The following GRIA1 variants were observed in gnomAD, a reference collection of about 807,000 sequenced individuals.
GRIA1 encodes the protein glutamate receptor 1.
In GRIA1, 31 loss-of-function variants were observed where a neutral mutation model predicts 99.2. The ratio of observed to expected loss-of-function variants is 0.31; its 90% CI spans 0.23 to 0.42. The LOEUF (loss-of-function observed/expected upper bound fraction) is 0.42, where lower values mean the gene tolerates loss of function less well. Among genes scored for constraint, GRIA1 ranks in the 10% least tolerant of loss-of-function variants. GRIA1 has a pLI of 1.00. For missense variants in GRIA1, 782 were observed against 1,157.5 expected (o/e 0.68, Z 4.71); for synonymous variants, 438 against 432.4 (o/e 1.01, Z -0.16).
Position 153,577,130 on chromosome 5 carries a change from GTGGA to G in GRIA1, c.221-69778_221-69775del, listed in dbSNP as rs1246565334. Reference sequence around the variant, plus strand: ...GATGGATAAGTGGGTAGATGAATGGGTGGATGGATGGATGGATGGATGGTTGGAT... The same window carrying G: ...GATGGATAAGTGGGTAGATGAATGGGTGGATGGATGGATGGATGGTTGGAT... On this transcript the variant is annotated intron_variant, in intron 2 of 15. Transcript: ENST00000285900. Among the ~76,000 whole-genome samples the G allele has an allele frequency of 3.3e-4, 33 of 98,742 alleles. 1 individual carries two copies. The highest frequency in any genetic ancestry group is 1.1e-3 in the African/African-American group (30 of 28,236). The allele number at this position is 98,742 out of a possible 152,430, so 64.8% of individuals were successfully genotyped here. A position where few individuals can be genotyped will look rare whatever the true frequency, so the allele number is the denominator to read the frequency against.
intron 8 of GRIA1, among the ~76,000 whole-genome samples, chr5:153,692,059 G>A (rs913216233): frequency 6.6e-6 from 1 of 152,084 alleles, no homozygotes; most frequent in African/African-American, 2.4e-5. Context: ...CATTCCTTGA[G>A]CACAGCCTCG....
At chr5:153,588,108 G>A (rs759519768) in intron 2 of GRIA1, among the ~76,000 whole-genome samples, 14 of 152,226 alleles carry the variant, frequency 9.2e-5, no homozygotes, top group Admixed American at 5.2e-4. Flanking sequence ...CTCCTGCCAG[G>A]ATAGTGAAAA....
chr5:153,581,789 C>T (rs1385409140), intron 2 of GRIA1, among the ~76,000 whole-genome samples: 9 of 148,736 alleles, frequency 6.1e-5, no homozygotes, highest in Non-Finnish European at 1.2e-4. Context: ...GTTGTTCTGT[C>T]ACCCAGGATG....
chr5:153,704,090 A>G (rs945639609), intron 10 of GRIA1, among the ~76,000 whole-genome samples: 5 of 152,264 alleles, frequency 3.3e-5, no homozygotes, highest in Admixed American at 2.0e-4. Flanking sequence ...GTTTCTTTCT[A>G]CAAGTGAAAA....
rs75720647 is a variant in GRIA1 at position 153,674,295 on chromosome 5, A to T, written c.700-205A>T. 8.5e-3 allele frequency among the ~76,000 whole-genome samples: 1,291 copies of T among 152,334 alleles called. 62 individuals are homozygous for T. Among genetic ancestry groups the T allele is most frequent in the Admixed American group, 0.074 (1,137 of 15,300 alleles). ...ATGCATAGCAGCGCCAGCACTCCAA[A>T]CTAGGCATACTGGCTCCTGAGCTGT... On this transcript the variant is annotated intron_variant, in intron 5 of 15. Transcript: ENST00000285900.
At chr5:153,738,001 G>T (rs1314960240) in intron 11 of GRIA1, among the ~76,000 whole-genome samples, 1 of 152,208 alleles carries the variant, frequency 6.6e-6, no homozygotes, top group Admixed American at 6.5e-5. Flanking sequence ...ATACATAGGG[G>T]CCCCTATCCC....
intron 13 of GRIA1, among the ~76,000 whole-genome samples, chr5:153,791,562 A>G (rs891512368): frequency 6.6e-6 from 1 of 152,174 alleles, no homozygotes; most frequent in Non-Finnish European, 1.5e-5. Context: ...CAATGGTTAT[A>G]TGCATGGGCT....
chr5:153,694,342 C>T (rs1180747136), intron 8 of GRIA1, among the ~76,000 whole-genome samples: 1 of 152,042 alleles, frequency 6.6e-6, no homozygotes, highest in Non-Finnish European at 1.5e-5. Context: ...CCTGAACATT[C>T]TATACATAAA....
At chr5:153,719,114 T>C (rs1759868035) in intron 11 of GRIA1, among the ~76,000 whole-genome samples, 1 of 152,060 alleles carries the variant, frequency 6.6e-6, no homozygotes, top group Non-Finnish European at 1.5e-5. Context: ...ATCTCAAGAG[T>C]GATGGATATT....
chr5:153,492,216 T>C, intron 1 of GRIA1: 1 of 1,532,178 alleles, frequency 6.5e-7, no homozygotes, highest in Non-Finnish European at 8.7e-7. Flanking sequence ...GCAGTACCCA[T>C]CTCTTTCAGC....
chr5:153,556,398 C>G (rs1383076641), intron 2 of GRIA1, among the ~76,000 whole-genome samples: 1 of 152,168 alleles, frequency 6.6e-6, no homozygotes, highest in Non-Finnish European at 1.5e-5. Context: ...CAGCAAGATC[C>G]GGAAGCTAAA....
At chr5:153,712,424 G>A (rs1472373374) in intron 11 of GRIA1, among the ~76,000 whole-genome samples, 4 of 152,194 alleles carry the variant, frequency 2.6e-5, no homozygotes, top group Admixed American at 6.5e-5. Context: ...AATAACCAAC[G>A]ATAGCCTGAC....
intron 6 of GRIA1, among the ~76,000 whole-genome samples, chr5:153,675,254 T>C (rs913967880): frequency 6.6e-6 from 1 of 152,172 alleles, no homozygotes; most frequent in Non-Finnish European, 1.5e-5. Context: ...TCATTGTAGA[T>C]TGAGCTTCTT....
At chr5:153,636,723 GAAATAA>G (rs1364015422) in intron 2 of GRIA1, among the ~76,000 whole-genome samples, 1 of 152,156 alleles carries the variant, frequency 6.6e-6, no homozygotes, top group East Asian at 1.9e-4. Context: ...TTCTCTCTAT[GAAATAA>G]AAATAAACAT....
At chr5:153,537,409 T>C (rs1009620354) in intron 2 of GRIA1, among the ~76,000 whole-genome samples, 1 of 152,134 alleles carries the variant, frequency 6.6e-6, no homozygotes, top group South Asian at 2.1e-4. Context: ...GCATTCTTCA[T>C]TCTCCGCATG....
intron 11 of GRIA1, among the ~76,000 whole-genome samples, chr5:153,743,874 G>A (rs184135752): frequency 2.0e-5 from 3 of 152,274 alleles, no homozygotes; most frequent in East Asian, 1.9e-4. Flanking sequence ...TATGCATAAC[G>A]GGGTGGATAA....
At position 153,811,311 on chromosome 5, in the gene GRIA1, A is replaced by C; in HGVS notation, c.*86A>C. On this transcript the variant is annotated 3_prime_UTR_variant, in exon 16 of 16. Coordinates refer to ENST00000285900, the MANE Select transcript of GRIA1 (RefSeq NM_000827.4). ...CTTCAGTGCCAAAAACAACAACAAA[A>C]TGAAACGCAACCACCACCAACCACT... 2.2e-6 allele frequency: 2 copies of C among 892,632 alleles called. No homozygotes were observed. Among genetic ancestry groups the C allele is most frequent in the Non-Finnish European group, 1.8e-6 (1 of 548,472 alleles). 55.3% of individuals were successfully genotyped at this position (892,632 alleles called of 1,614,324 possible).
intron 13 of GRIA1, among the ~76,000 whole-genome samples, chr5:153,787,896 C>T (rs1421573228): frequency 6.6e-6 from 1 of 152,030 alleles, no homozygotes; most frequent in Non-Finnish European, 1.5e-5. Context: ...CTGGCTAACA[C>T]AGTGAAACCC....
chr5:153,638,476 T>C (rs1753549811), intron 2 of GRIA1, among the ~76,000 whole-genome samples: 1 of 152,214 alleles, frequency 6.6e-6, no homozygotes, highest in African/African-American at 2.4e-5. Context: ...GCACCTTAAT[T>C]TTCCTCTGGC....
Sources: gnomAD v4.1 joint callset for allele counts (sites outside exome capture counted in the v4.1 genomes callset) on GRCh38, gnomAD v4.1.1 for gene constraint, MANE v1.5 for transcripts, NCBI Gene and HGNC (gene_info 2026-07-23, HGNC 2026-07-21) for gene names.